The following LDLRAD4 variants were observed in gnomAD, a reference collection of about 807,000 sequenced individuals.
LDLRAD4 encodes the protein low density lipoprotein receptor class A domain containing 4.
A neutral mutation model predicts 17.0 loss-of-function variants in LDLRAD4; 5 were observed. The observed-to-expected ratio is 0.29, with a 90% confidence interval of 0.15 to 0.62. The LOEUF is 0.62. Among genes scored for constraint, LDLRAD4 ranks in the 20% least tolerant of loss-of-function variants. LDLRAD4 has a pLI of 0.84. For synonymous variants in LDLRAD4, 168 were observed against 171.8 expected (o/e 0.98, Z 0.17); for missense variants, 340 against 424.7 (o/e 0.80, Z 1.75).
At chr18:13,294,955 C>T (rs547986880) in intron 1 of LDLRAD4, among the ~76,000 whole-genome samples, 12 of 152,062 alleles carry the variant, frequency 7.9e-5, no homozygotes, top group East Asian at 5.8e-4. Flanking sequence ...TACTGGGGAC[C>T]GGCTGGTCTG....
At chr18:13,384,909 C>T (rs531452661) in intron 1 of LDLRAD4, among the ~76,000 whole-genome samples, 2 of 152,254 alleles carry the variant, frequency 1.3e-5, no homozygotes, top group South Asian at 2.1e-4. Flanking sequence ...AGGTTGCTTC[C>T]GTATCTTGGT....
intron 2 of LDLRAD4, among the ~76,000 whole-genome samples, chr18:13,421,972 G>T (rs2089504714): frequency 6.6e-6 from 1 of 152,212 alleles, no homozygotes; most frequent in African/African-American, 2.4e-5. Flanking sequence ...CTACTGAAGG[G>T]CTACCCCATG....
intron 2 of LDLRAD4, among the ~76,000 whole-genome samples, chr18:13,413,119 C>T (rs139365460): frequency 7.3e-4 from 111 of 152,274 alleles, no homozygotes; most frequent in Non-Finnish European, 1.2e-3. Context: ...CACGTCAAGC[C>T]CAGGATGGTG....
At chr18:13,608,351 G>A (rs943566414) in intron 3 of LDLRAD4, among the ~76,000 whole-genome samples, 1 of 151,670 alleles carries the variant, frequency 6.6e-6, no homozygotes, top group Non-Finnish European at 1.5e-5. Flanking sequence ...GCAACTGGAG[G>A]GGGAGGCAGC....
In LDLRAD4 at chr18:13,640,292, CA is replaced by C. The variant is rs55794457; in HGVS notation, c.337-3049del. On this transcript the variant is annotated intron_variant, in intron 4 of 5. Transcript: ENST00000359446. ...TGGGCAACAGAGCGAGATTCCATCT[CA>C]AAAAAAAAAAAAAAAAATGAAATCC... Among the ~76,000 whole-genome samples, 227 of 98,426 alleles carry C rather than the reference CA, an allele frequency of 2.3e-3. 1 individual carries two copies. Among genetic ancestry groups the C allele is most frequent in the African/African-American group, 7.0e-3 (167 of 23,748 alleles). 64.6% of individuals were successfully genotyped at this position (98,426 alleles called of 152,430 possible). A position where few individuals can be genotyped will look rare whatever the true frequency, so the allele number is the denominator to read the frequency against.
intron 1 of LDLRAD4, among the ~76,000 whole-genome samples, chr18:13,376,876 T>C (rs2084952344): frequency 1.3e-5 from 2 of 152,346 alleles, no homozygotes; most frequent in African/African-American, 4.8e-5. Flanking sequence ...ATTGGTCTAA[T>C]GAACTCTTTC....
chr18:13,287,598 C>A (rs558724285), intron 1 of LDLRAD4, among the ~76,000 whole-genome samples: 1 of 152,308 alleles, frequency 6.6e-6, no homozygotes, highest in Admixed American at 6.5e-5. Flanking sequence ...GCTTCTGTAA[C>A]CTTCTCCACT....
At chr18:13,339,212 C>CTT (rs35423798) in intron 1 of LDLRAD4, among the ~76,000 whole-genome samples, 9 of 143,174 alleles carry the variant, frequency 6.3e-5, no homozygotes, top group African/African-American at 1.0e-4. Context: ...AGTATCACTA[C>CTT]TTTTTTTTTT....
At chr18:13,369,687 C>T (rs1551367) in intron 1 of LDLRAD4, among the ~76,000 whole-genome samples, 74,706 of 152,104 alleles carry the variant, frequency 0.49, 20,729 homozygotes, top group Non-Finnish European at 0.63. Flanking sequence ...CGCCCCTGCA[C>T]TGCAGCACCT....
chr18:13,557,407 C>T (rs1186981058), intron 3 of LDLRAD4, among the ~76,000 whole-genome samples: 1 of 152,122 alleles, frequency 6.6e-6, no homozygotes. Flanking sequence ...TTAGACAAAG[C>T]CTTTTTTTTT....
At chr18:13,325,883 G>T (rs1320060696) in intron 1 of LDLRAD4, among the ~76,000 whole-genome samples, 1 of 151,984 alleles carries the variant, frequency 6.6e-6, no homozygotes, top group African/African-American at 2.4e-5. Context: ...CTCCCGAGTA[G>T]CCGGGACTAC....
intron 1 of LDLRAD4, among the ~76,000 whole-genome samples, chr18:13,256,393 CAGGTTAGGA>C (rs2043504214): frequency 6.6e-6 from 1 of 152,196 alleles, no homozygotes; most frequent in South Asian, 2.1e-4. Flanking sequence ...TGCATGGGCA[CAGGTTAGGA>C]ATGTGGTCTC....
At chr18:13,563,494 G>T (rs964678630) in intron 3 of LDLRAD4, among the ~76,000 whole-genome samples, 7 of 152,210 alleles carry the variant, frequency 4.6e-5, no homozygotes, top group African/African-American at 1.7e-4. Context: ...GTGAAAGGGG[G>T]ATAGTCTTCA....
intron 3 of LDLRAD4, among the ~76,000 whole-genome samples, chr18:13,617,987 T>C (rs565230557): frequency 6.6e-6 from 1 of 152,330 alleles, no homozygotes; most frequent in African/African-American, 2.4e-5. Flanking sequence ...GAGTCTTTCC[T>C]ACAAGTATAC....
At chr18:13,228,230 G>A (rs2041907222) in intron 1 of LDLRAD4, among the ~76,000 whole-genome samples, 1 of 152,188 alleles carries the variant, frequency 6.6e-6, no homozygotes, top group Non-Finnish European at 1.5e-5. Flanking sequence ...GCTGCTAATG[G>A]GGTGGCAGTC....
chr18:13,278,774 T>TCTTC, intron 1 of LDLRAD4, among the ~76,000 whole-genome samples: 1 of 152,196 alleles, frequency 6.6e-6, no homozygotes. Context: ...CTCCCGCTTG[T>TCTTC]CTTCCTTCCT....
intron 3 of LDLRAD4, among the ~76,000 whole-genome samples, chr18:13,494,189 C>T (rs1418923411): frequency 1.3e-5 from 2 of 152,158 alleles, no homozygotes; most frequent in Non-Finnish European, 2.9e-5. Flanking sequence ...TAAATATTGA[C>T]ATTCACTGTA....
At chr18:13,593,733 A>G (rs1304904636) in intron 3 of LDLRAD4, among the ~76,000 whole-genome samples, 1 of 152,204 alleles carries the variant, frequency 6.6e-6, no homozygotes, top group African/African-American at 2.4e-5. Flanking sequence ...GGGACTACAT[A>G]TAAGCGTCCT....
intron 1 of LDLRAD4, among the ~76,000 whole-genome samples, chr18:13,289,388 G>A (rs1474874781): frequency 6.6e-6 from 1 of 152,190 alleles, no homozygotes; most frequent in Admixed American, 6.5e-5. Context: ...AAAGCATTTT[G>A]TAGATTGCAG....
Sources: gnomAD v4.1 joint callset for allele counts (sites outside exome capture counted in the v4.1 genomes callset) on GRCh38, gnomAD v4.1.1 for gene constraint, MANE v1.5 for transcripts, NCBI Gene and HGNC (gene_info 2026-07-23, HGNC 2026-07-21) for gene names.